COL5A2: variants seen among roughly 807,000 people sequenced by gnomAD.
COL5A2 encodes collagen type V alpha 2 chain, also known as collagen alpha-2(V) chain.
Under a neutral mutation model 208.2 loss-of-function variants are expected in COL5A2, and 23 were observed. The ratio of observed to expected loss-of-function variants is 0.11; its 90% CI spans 0.08 to 0.16. COL5A2 has a LOEUF of 0.16. COL5A2 is among the 10% of genes least tolerant of loss of function. The pLI, the probability that COL5A2 is intolerant of heterozygous loss-of-function variation, is 1.00. For missense variants in COL5A2, 1,590 were observed against 1,956.4 expected, an observed-to-expected ratio of 0.81 and a Z score of 3.53; for synonymous variants, 625 against 628.5, an observed-to-expected ratio of 0.99 and a Z score of 0.08.
chr2:189,315,336 C>T, the COL5A2 span, among the ~76,000 whole-genome samples: 1 of 152,196 alleles, frequency 6.6e-6, no homozygotes, highest in Non-Finnish European at 1.5e-5. Context: ...GCAAAAACCA[C>T]ATGATTATCT....
chr2:189,393,955 C>G, the COL5A2 span, among the ~76,000 whole-genome samples: 272 of 152,278 alleles, frequency 1.8e-3, 1 homozygote, highest in African/African-American at 6.4e-3. Context: ...CATTTCTTCT[C>G]AGCCAAAGTT....
the COL5A2 span, among the ~76,000 whole-genome samples, chr2:189,325,920 A>G: frequency 1.3e-5 from 2 of 152,034 alleles, no homozygotes; most frequent in Non-Finnish European, 2.9e-5. Flanking sequence ...AACATGGTGA[A>G]ACCCCATCTC....
intron 46 of COL5A2, 33 bp downstream of exon 46, chr2:189,045,767 A>T: frequency 6.4e-7 from 1 of 1,571,210 alleles, no homozygotes; most frequent in Non-Finnish European, 8.8e-7. Flanking sequence ...TGGGTGTGCA[A>T]AACTGTCAGT....
At chr2:189,208,313 A>T (rs1455611245) in intron 1 of COL5A2, among the ~76,000 whole-genome samples, 1 of 152,224 alleles carries the variant, frequency 6.6e-6, no homozygotes, top group Non-Finnish European at 1.5e-5. Flanking sequence ...CCATTACATA[A>T]TAAGGAGTCC....
chr2:189,439,238 T>G, the COL5A2 span, among the ~76,000 whole-genome samples: 1 of 152,192 alleles, frequency 6.6e-6, no homozygotes, highest in South Asian at 2.1e-4. Context: ...CATGATAAGG[T>G]AAGGTCCAGT....
chr2:189,355,424 T>A, the COL5A2 span, among the ~76,000 whole-genome samples: 17 of 152,118 alleles, frequency 1.1e-4, no homozygotes, highest in African/African-American at 4.1e-4. Context: ...TAAGTCTCTT[T>A]GTAGGTCCCT....
chr2:189,408,771 T>C, the COL5A2 span, among the ~76,000 whole-genome samples: 1 of 152,174 alleles, frequency 6.6e-6, no homozygotes, highest in Non-Finnish European at 1.5e-5. Context: ...TCATTTAATA[T>C]GAACACGATC....
At chr2:189,299,624 T>C in the COL5A2 span, among the ~76,000 whole-genome samples, 1 of 152,316 alleles carries the variant, frequency 6.6e-6, no homozygotes, top group East Asian at 1.9e-4. Context: ...CAAGAAGTTA[T>C]GGGAAAGATG....
At chr2:189,431,579 T>C in the COL5A2 span, among the ~76,000 whole-genome samples, 4 of 151,992 alleles carry the variant, frequency 2.6e-5, no homozygotes, top group African/African-American at 9.7e-5. Flanking sequence ...TTCAATCAAG[T>C]GGAAGAAAGG....
the COL5A2 span, among the ~76,000 whole-genome samples, chr2:189,355,460 G>A: frequency 2.0e-5 from 3 of 152,136 alleles, no homozygotes; most frequent in African/African-American, 7.2e-5. Flanking sequence ...GAGTCTGGGT[G>A]CTCCTGTATT....
chr2:189,245,485 T>A, the COL5A2 span, among the ~76,000 whole-genome samples: 56 of 25,438 alleles, frequency 2.2e-3, no homozygotes, highest in East Asian at 0.014. Flanking sequence ...ACTCAAAATT[T>A]TTTTTTTTTT....
chr2:189,127,134 T>C (rs1451882669), intron 1 of COL5A2, among the ~76,000 whole-genome samples: 1 of 151,872 alleles, frequency 6.6e-6, no homozygotes, highest in African/African-American at 2.4e-5. Flanking sequence ...GAGAAAGAAG[T>C]AGAATTTATC....
intron 1 of COL5A2, among the ~76,000 whole-genome samples, chr2:189,157,731 T>TA (rs1688282464): frequency 6.6e-6 from 1 of 152,032 alleles, no homozygotes; most frequent in Admixed American, 6.6e-5. Flanking sequence ...AAATAAAACT[T>TA]AAAGGCTTTG....
At position 189,051,369 on chromosome 2, in the gene COL5A2, G is replaced by A. The variant is rs778835151; in HGVS notation, c.2882C>T (p.Pro961Leu). The A allele has an allele frequency of 1.5e-5, 25 of 1,613,910 alleles. No individual in the cohort carries two copies. In the East Asian group the frequency reaches 3.6e-4, roughly 23 times the overall value. ...GRVGDRGPAG[P>L]PGGPGDKGDP... ...CCCTTTGTCTCCTGGGCCACCAGGG[G>A]GGCCAGCTGGTCCTCGATCTCCCAC... is the stretch of plus-strand genomic sequence containing the variant. The change falls in exon 42 of 54, where the codon CCC (proline) becomes CTC (leucine). Residue 961 changes from proline to leucine, a missense_variant. Physicochemically the swap from Pro to Leu is moderately conservative, Grantham distance 98. Transcript: ENST00000374866.
At chr2:189,085,873 T>G in intron 9 of COL5A2, 101 bp from the exon 10 acceptor site, 1 of 953,592 alleles carries the variant, frequency 1.0e-6, no homozygotes, top group Non-Finnish European at 1.7e-6. Flanking sequence ...CAGTTGGCTC[T>G]GCCATCTTCC....
At chr2:189,070,460 G>T (rs1686249780) in intron 18 of COL5A2, among the ~76,000 whole-genome samples, 1 of 152,166 alleles carries the variant, frequency 6.6e-6, no homozygotes, top group South Asian at 2.1e-4. Flanking sequence ...TTTTATGGTG[G>T]AGAGAAGCAA....
chr2:189,339,296 A>T, the COL5A2 span, among the ~76,000 whole-genome samples: 4 of 150,942 alleles, frequency 2.7e-5, no homozygotes, highest in African/African-American at 9.8e-5. Flanking sequence ...GGTTACAGTG[A>T]GCTGAGACTG....
intron 1 of COL5A2, among the ~76,000 whole-genome samples, chr2:189,164,628 A>T (rs1488932860): frequency 5.3e-5 from 8 of 152,102 alleles, no homozygotes; most frequent in Non-Finnish European, 1.0e-4. Context: ...CTAACTGTTC[A>T]TTACAGTAAA....
intron 1 of COL5A2, among the ~76,000 whole-genome samples, chr2:189,206,378 C>T (rs1229840732): frequency 6.6e-6 from 1 of 152,190 alleles, no homozygotes; most frequent in East Asian, 1.9e-4. Flanking sequence ...TAAGGGCCTA[C>T]ACTCAGCTTG....
Sources: gnomAD v4.1 joint callset for allele counts (sites outside exome capture counted in the v4.1 genomes callset) on GRCh38, gnomAD v4.1.1 for gene constraint, MANE v1.5 for transcripts, NCBI Gene and HGNC (gene_info 2026-07-23, HGNC 2026-07-21) for gene names.